The following LBP variants were observed in gnomAD, a reference collection of about 807,000 sequenced individuals.
LBP encodes the protein lipopolysaccharide binding protein.
In LBP, 53 loss-of-function variants were observed where a neutral mutation model predicts 56.6. The observed-to-expected ratio is 0.94, with a 90% CI of 0.75 to 1.18. The LOEUF (loss-of-function observed/expected upper bound fraction) is 1.18. Among genes scored for constraint, LBP ranks in the 50% most tolerant of loss-of-function variants. The pLI, the probability that LBP is intolerant of heterozygous loss-of-function variation, is 0.00. For missense variants in LBP, 601 were observed against 598.3 expected, an observed-to-expected ratio of 1.00 and a Z score of -0.05; for synonymous variants, 227 against 247.5, an observed-to-expected ratio of 0.92 and a Z score of 0.78.
intron 5 of LBP, among the ~76,000 whole-genome samples, chr20:38,357,172 A>G (rs1191287335): frequency 6.6e-6 from 1 of 152,132 alleles, no homozygotes; most frequent in Non-Finnish European, 1.5e-5. Context: ...TTGGATCTTA[A>G]CCTCGACCTT....
At chr20:38,357,210 C>T (rs775396790) in intron 5 of LBP, among the ~76,000 whole-genome samples, 3 of 152,180 alleles carry the variant, frequency 2.0e-5, no homozygotes, top group Non-Finnish European at 4.4e-5. Flanking sequence ...TCCACATGGA[C>T]AGAGGAGGCT....
At chr20:38,352,261 C>T (rs1255211191) in intron 3 of LBP, among the ~76,000 whole-genome samples, 1 of 152,100 alleles carries the variant, frequency 6.6e-6, no homozygotes, top group African/African-American at 2.4e-5. Context: ...GGTGGTGACA[C>T]AGAGCAGCCC....
intron 8 of LBP, among the ~76,000 whole-genome samples, chr20:38,365,772 C>A (rs2076879902): frequency 6.9e-6 from 1 of 144,904 alleles, no homozygotes; most frequent in South Asian, 2.2e-4. Flanking sequence ...CAAGATAATA[C>A]ATGCACTGAT....
Position 38,371,261 on chromosome 20 carries a change from C to T in LBP, c.1218-19C>T. On this transcript the variant is annotated intron_variant, in intron 11 of 14. Transcript: ENST00000217407. Reference sequence around the variant, plus strand: ...TTGCATAAAGCCCACACCTTTTAATCTTCTCTGATTCATTACAGGGTAAAA... The same window carrying T: ...TTGCATAAAGCCCACACCTTTTAATTTTCTCTGATTCATTACAGGGTAAAA... 1.2e-6 allele frequency: 2 copies of T among 1,607,412 alleles called. No homozygotes were observed. The highest frequency in any genetic ancestry group is 1.1e-5 in the South Asian group (1 of 90,454).
chr20:38,374,950 A>ATTTTTTTTTTTTTTTTTTT (rs370110558), intron 14 of LBP, among the ~76,000 whole-genome samples: 111 of 127,104 alleles, frequency 8.7e-4, no homozygotes, highest in Non-Finnish European at 1.4e-3. Flanking sequence ...CTCCCAGCTA[A>ATTTTTTTTTTTTTTTTTTT]TTTTTTTTTT....
At chr20:38,361,019 G>A (rs556489928) in intron 6 of LBP, among the ~76,000 whole-genome samples, 21 of 151,802 alleles carry the variant, frequency 1.4e-4, no homozygotes, top group African/African-American at 2.7e-4. Context: ...AGAATTAGCC[G>A]GGCGTGGTGG....
At chr20:38,370,696 C>A (rs770634235) in intron 10 of LBP, 42 bp from the exon 11 acceptor site, 15 of 1,557,550 alleles carry the variant, frequency 9.6e-6, no homozygotes, top group Non-Finnish European at 1.2e-5. Flanking sequence ...ATACATACAA[C>A]CTTCATCACT....
chr20:38,375,480 C>A (rs1385848036), intron 14 of LBP, among the ~76,000 whole-genome samples: 1 of 151,842 alleles, frequency 6.6e-6, no homozygotes, highest in African/African-American at 2.4e-5. Flanking sequence ...ACTTAGGAGG[C>A]TGAGGCAGGA....
At chr20:38,366,638 TCCTCCCTG>T (rs2076883024) in intron 8 of LBP, 123 bp from the exon 9 acceptor site, 1 of 833,302 alleles carries the variant, frequency 1.2e-6, no homozygotes, top group East Asian at 2.4e-5. Flanking sequence ...GACAGGCATC[TCCTCCCTG>T]CCAGGGTAAC....
chr20:38,368,855 A>G, intron 9 of LBP, 140 bp from the exon 10 acceptor site: 1 of 794,396 alleles, frequency 1.3e-6, no homozygotes, highest in South Asian at 1.7e-5. Context: ...TTTTGCCACT[A>G]GGAGAAAAAG....
chr20:38,360,054 C>T (rs1046402267), intron 5 of LBP, among the ~76,000 whole-genome samples: 1 of 152,126 alleles, frequency 6.6e-6, no homozygotes, highest in African/African-American at 2.4e-5. Context: ...GAGTTCAAGA[C>T]CAGCCTGGCC....
intron 2 of LBP, 82 bp from the exon 3 acceptor site, chr20:38,350,729 G>T: frequency 1.4e-6 from 2 of 1,473,270 alleles, no homozygotes; most frequent in Non-Finnish European, 1.8e-6. Context: ...AGTCCCCACT[G>T]TGGAGAGGGG....
In LBP at chr20:38,369,164, T is replaced by G; in HGVS notation, c.1149+2T>G. The G allele has an allele frequency of 6.2e-7, 1 of 1,612,832 alleles. No homozygotes were observed. The highest frequency in any genetic ancestry group is 8.5e-7 in the Non-Finnish European group (1 of 1,179,786). ...GAGCCTGTCTTCCGGCTCAGTGTGG[T>G]AAGGTTCAGAGCCTTTGCAAATGCT... On this transcript the variant is annotated splice_donor_variant, in intron 10 of 14. Coordinates refer to ENST00000217407, the MANE Select transcript of LBP (RefSeq NM_004139.5). LOFTEE classifies it high-confidence loss of function.
intron 6 of LBP, among the ~76,000 whole-genome samples, chr20:38,363,720 A>G (rs1011105578): frequency 4.0e-5 from 6 of 150,654 alleles, no homozygotes; most frequent in African/African-American, 9.8e-5. Context: ...GTGTGTGTGT[A>G]TGTGTGTGTG....
At chr20:38,362,285 C>A (rs1225936665) in intron 6 of LBP, among the ~76,000 whole-genome samples, 4 of 144,168 alleles carry the variant, frequency 2.8e-5, no homozygotes, top group Non-Finnish European at 4.6e-5. Context: ...TGGTCTTGAT[C>A]TCCTGACCTC....
At chr20:38,367,320 G>A (rs537859940) in intron 9 of LBP, among the ~76,000 whole-genome samples, 4 of 152,134 alleles carry the variant, frequency 2.6e-5, no homozygotes, top group African/African-American at 4.8e-5. Context: ...CAAGCGTAGC[G>A]GCACATAGCT....
intron 2 of LBP, 107 bp from the exon 3 acceptor site, chr20:38,350,704 A>G (rs2076817348): frequency 3.1e-6 from 4 of 1,293,056 alleles, no homozygotes; most frequent in East Asian, 4.7e-5. Flanking sequence ...TACCTGGAGC[A>G]GATCCTGCTG....
intron 5 of LBP, among the ~76,000 whole-genome samples, chr20:38,355,724 A>G (rs2076836535): frequency 6.6e-6 from 1 of 152,056 alleles, no homozygotes; most frequent in South Asian, 2.1e-4. Flanking sequence ...CCTGCATTCC[A>G]CCAAGGTCCG....
At chr20:38,346,705 G>A in intron 1 of LBP, 65 bp downstream of exon 1, 3 of 1,601,090 alleles carry the variant, frequency 1.9e-6, no homozygotes, top group Non-Finnish European at 2.6e-6. Context: ...TGGGTACAGT[G>A]GGGACAGGGA....
Sources: gnomAD v4.1 joint callset for allele counts (sites outside exome capture counted in the v4.1 genomes callset) on GRCh38, gnomAD v4.1.1 for gene constraint, MANE v1.5 for transcripts, NCBI Gene and HGNC (gene_info 2026-07-23, HGNC 2026-07-21) for gene names.